The following SLFN12 variants were observed in gnomAD, a reference collection of about 807,000 sequenced individuals.
The protein encoded by SLFN12 is schlafen family member 12, also known as ribonuclease SLFN12.
SLFN12 carries 25 observed loss-of-function variants against 29.1 expected under a neutral mutation model. That is an observed-to-expected ratio of 0.86 (90% confidence interval 0.63 to 1.20). The LOEUF (loss-of-function observed/expected upper bound fraction) is 1.20, where lower values mean the gene tolerates loss of function less well. Among genes scored for constraint, SLFN12 ranks in the 50% most tolerant of loss-of-function variants. The probability of loss-of-function intolerance (pLI) is 0.00; values close to 1 mark genes in which losing one functional copy is unlikely to be tolerated. For synonymous variants in SLFN12, 257 were observed against 238.7 expected (o/e 1.08, Z -0.71); for missense variants, 660 against 666.2 (o/e 0.99, Z 0.10).
intron 1 of SLFN12, chr17:35,431,857 C>T (rs1236229745): frequency 6.6e-6 from 1 of 152,074 alleles, no homozygotes; most frequent in Admixed American, 6.5e-5. Context: ...AAGAATTTAA[C>T]ATAAGGAAAG....
At chr17:35,430,939 TG>T (rs1423558027) in intron 1 of SLFN12, among the ~76,000 whole-genome samples, 1 of 152,180 alleles carries the variant, frequency 6.6e-6, no homozygotes, top group Non-Finnish European at 1.5e-5. Context: ...TGTGTAACTA[TG>T]GCCTTTACAG....
chr17:35,413,780 T>TTCATCATAA lies in SLFN12; in HGVS notation c.1148-1862_1148-1854dup, dbSNP rs1911171969. ...AAAAAAAAAAGAAAAAAAAAGATCA[T>TTCATCATAA]TCATCATAATAAGTGGGATTTATCC... is the stretch of plus-strand genomic sequence containing the variant. On this transcript the variant is annotated intron_variant, in intron 3 of 3. Transcript: ENST00000304905. Among the ~76,000 whole-genome samples, 3 of 150,840 alleles carry TTCATCATAA rather than the reference T, an allele frequency of 2.0e-5. No individual in the cohort carries two copies. In the South Asian group the frequency reaches 6.3e-4, roughly 31 times the overall value.
Position 35,410,988 on chromosome 17 carries a change from TA to T in SLFN12, c.*349del, listed in dbSNP as rs1447483054. Reference sequence around the variant, plus strand: ...GAGTTTCATCAAGGATAATCTTTTGTAAGTTATAATTGTTTTCTAGGTATAT... The same window carrying T: ...GAGTTTCATCAAGGATAATCTTTTGTAGTTATAATTGTTTTCTAGGTATAT... On this transcript the variant is annotated 3_prime_UTR_variant, in exon 4 of 4. Coordinates refer to ENST00000304905, the MANE Select transcript of SLFN12 (RefSeq NM_018042.5). The T allele has an allele frequency of 1.3e-5, 2 of 158,242 alleles. No homozygotes were observed. Among genetic ancestry groups the T allele is most frequent in the African/African-American group, 4.8e-5 (2 of 41,640 alleles). The allele number at this position is 158,242 out of a possible 1,614,324, so 9.8% of individuals were successfully genotyped here. A position where few individuals can be genotyped will look rare whatever the true frequency, so the allele number is the denominator to read the frequency against.
chr17:35,413,312 T>C (rs183297164), intron 3 of SLFN12, among the ~76,000 whole-genome samples: 1 of 152,220 alleles, frequency 6.6e-6, no homozygotes, highest in East Asian at 1.9e-4. Flanking sequence ...CAAACTCATT[T>C]CATGAGGTCA....
intron 3 of SLFN12, among the ~76,000 whole-genome samples, chr17:35,412,984 T>C (rs777327511): frequency 1.1e-4 from 17 of 151,608 alleles, no homozygotes; most frequent in Non-Finnish European, 2.2e-4. Context: ...TTTGATAATA[T>C]TTAACAGCAG....
chr17:35,418,025 C>T (rs1911417665), intron 3 of SLFN12, among the ~76,000 whole-genome samples: 1 of 151,990 alleles, frequency 6.6e-6, no homozygotes, highest in Admixed American at 6.5e-5. Flanking sequence ...TATAAATATG[C>T]CATGTCTTCC....
intron 1 of SLFN12, among the ~76,000 whole-genome samples, chr17:35,428,589 T>C (rs1912139964): frequency 6.6e-6 from 1 of 152,044 alleles, no homozygotes; most frequent in Non-Finnish European, 1.5e-5. Flanking sequence ...GACCTAGCAT[T>C]CATTCAAATA....
intron 1 of SLFN12, among the ~76,000 whole-genome samples, chr17:35,425,094 C>T (rs548533412): frequency 6.6e-6 from 1 of 151,772 alleles, no homozygotes; most frequent in South Asian, 2.1e-4. Flanking sequence ...TCAAGACCAG[C>T]CTAGACAACA....
At chr17:35,425,512 T>C (rs2142046679) in intron 1 of SLFN12, among the ~76,000 whole-genome samples, 1 of 152,246 alleles carries the variant, frequency 6.6e-6, no homozygotes, top group East Asian at 1.9e-4. Context: ...AGTGAAATCA[T>C]GCAGTATTTG....
At chr17:35,415,056 A>C (rs190067973) in intron 3 of SLFN12, among the ~76,000 whole-genome samples, 1 of 152,262 alleles carries the variant, frequency 6.6e-6, no homozygotes, top group African/African-American at 2.4e-5. Context: ...ACATAGCAAA[A>C]GCAAGACTAA....
intron 1 of SLFN12, among the ~76,000 whole-genome samples, chr17:35,427,547 AC>A (rs1912081809): frequency 1.3e-5 from 2 of 152,102 alleles, no homozygotes; most frequent in Non-Finnish European, 2.9e-5. Context: ...CAACATGAGG[AC>A]CTTTTTGCAG....
chr17:35,412,712 C>T (rs1430608752), intron 3 of SLFN12, among the ~76,000 whole-genome samples: 1 of 151,528 alleles, frequency 6.6e-6, no homozygotes, highest in Non-Finnish European at 1.5e-5. Flanking sequence ...AATTACGAGA[C>T]AGAATAAAAA....
chr17:35,422,455 G>A lies in SLFN12; in HGVS notation c.574C>T (p.Arg192Trp), dbSNP rs765697275. ...GVFFDRTELDRKEKLTFTEST... is the reference protein window; with the variant it reads ...GVFFDRTELDWKEKLTFTEST... The stretch of plus-strand genomic sequence containing the variant: ...TCAGTAAAGGTCAATTTTTCTTTCC[G>A]ATCAAGTTCTGTTCTATCAAAAAAA... Residue 192 changes from arginine to tryptophan, a missense_variant, in exon 2 of 4, where the codon CGG (arginine) becomes TGG (tryptophan). Arg to Trp is a moderately radical substitution (Grantham distance 101, BLOSUM62 -3). Coordinates refer to ENST00000304905, the MANE Select transcript of SLFN12 (RefSeq NM_018042.5). The A allele has an allele frequency of 1.4e-5, 23 of 1,611,862 alleles. No homozygotes were observed. Among genetic ancestry groups the A allele is most frequent in the Non-Finnish European group, 1.9e-5 (23 of 1,179,514 alleles).
intron 2 of SLFN12, chr17:35,420,602 A>C (rs932513012): frequency 2.9e-6 from 1 of 350,630 alleles, no homozygotes; most frequent in Non-Finnish European, 5.1e-6. Flanking sequence ...TAACAGTAAA[A>C]ATGCATTAAT....
rs117880568 is a variant in SLFN12, at chr17:35,419,434, A to G, written c.1147+840T>C. Among the ~76,000 whole-genome samples the G allele has an allele frequency of 1.2e-4, 18 of 152,256 alleles. 1 individual carries two copies. In the East Asian group the frequency reaches 3.5e-3, roughly 29 times the overall value. Reference sequence around the variant, plus strand: ...ACTCCTATAAATCAATAAGAAAAAGACAAAGCTTATTAGAAAAATGGTCAA... The same window carrying G: ...ACTCCTATAAATCAATAAGAAAAAGGCAAAGCTTATTAGAAAAATGGTCAA... On this transcript the variant is annotated intron_variant, in intron 3 of 3. Transcript: ENST00000304905.
Position 35,413,705 on chromosome 17 carries a change from C to T in SLFN12, c.1148-1778G>A, listed in dbSNP as rs148636665. Among the ~76,000 whole-genome samples the T allele has an allele frequency of 7.9e-3, 1,172 of 149,042 alleles. 5 individuals are homozygous for T. The highest frequency in any genetic ancestry group is 0.01 in the Non-Finnish European group (698 of 67,570). On this transcript the variant is annotated intron_variant, in intron 3 of 3. Transcript: ENST00000304905. ...TGGAGGTTGCAGGGTGCCAAGATAG[C>T]GCCATTGCACTCCAACCTGGGTAAC...
At chr17:35,416,912 C>A (rs557896492) in intron 3 of SLFN12, among the ~76,000 whole-genome samples, 1 of 152,116 alleles carries the variant, frequency 6.6e-6, no homozygotes, top group East Asian at 1.9e-4. Context: ...GAGCCAGTTC[C>A]TGATTGAAAA....
Position 35,422,037 on chromosome 17 carries a change from T to G in SLFN12, c.992A>C (p.Gln331Pro), listed in dbSNP as rs758683251. Reference sequence around the variant, plus strand: ...CTGGATCCATTCCTTCCTGGTCAACTGCATCACACGGTTATCTTTCACATG... The same window carrying G: ...CTGGATCCATTCCTTCCTGGTCAACGGCATCACACGGTTATCTTTCACATG... ...SWHVKDNRVM[Q>P]LTRKEWIQFM... The change falls in exon 2 of 4, where the codon CAG becomes CCG. Residue 331 changes from glutamine (Q) to proline (P), a missense_variant. Physicochemically the swap from Gln to Pro is moderately conservative, Grantham distance 76. Transcript: ENST00000304905. 1.6e-5 allele frequency: 26 copies of G among 1,613,964 alleles called. 1 individual carries two copies. The South Asian group carries it at 2.9e-4, about 18-fold the overall frequency.
intron 3 of SLFN12, among the ~76,000 whole-genome samples, chr17:35,416,806 A>C (rs762143406): frequency 2.4e-4 from 37 of 152,080 alleles, no homozygotes; most frequent in Non-Finnish European, 4.4e-4. Flanking sequence ...GTAATCCTAG[A>C]GCCCTGATAG....
Sources: gnomAD v4.1 joint callset for allele counts (sites outside exome capture counted in the v4.1 genomes callset) on GRCh38, gnomAD v4.1.1 for gene constraint, MANE v1.5 for transcripts, NCBI Gene and HGNC (gene_info 2026-07-23, HGNC 2026-07-21) for gene names.